TNKS: variants seen among roughly 807,000 people sequenced by gnomAD.
The protein encoded by TNKS is tankyrase.
A neutral mutation model predicts 135.8 loss-of-function variants in TNKS; 72 were observed. That is an observed-to-expected ratio of 0.53 (90% CI 0.44 to 0.64). TNKS has a LOEUF of 0.64. TNKS is among the 30% of genes least tolerant of loss of function. The probability of loss-of-function intolerance (pLI) is 0.00; values close to 1 mark genes in which losing one functional copy is unlikely to be tolerated. For synonymous variants in TNKS, 849 were observed against 649.3 expected, an observed-to-expected ratio of 1.31 and a Z score of -4.68; for missense variants, 1,769 against 1,674.0, an observed-to-expected ratio of 1.06 and a Z score of -0.99.
At chr8:9,563,148 T>C (rs114990922) in intron 1 of TNKS, among the ~76,000 whole-genome samples, 3,179 of 152,228 alleles carry the variant, frequency 0.021, 61 homozygotes, top group African/African-American at 0.055. Flanking sequence ...TCATTCGCCA[T>C]GTTATGCAGC....
intron 2 of TNKS, among the ~76,000 whole-genome samples, chr8:9,589,631 G>A (rs1477192113): frequency 6.6e-6 from 1 of 152,216 alleles, no homozygotes; most frequent in East Asian, 1.9e-4. Flanking sequence ...TCTCAGAGAC[G>A]TTTCCTAGTG....
intron 8 of TNKS, among the ~76,000 whole-genome samples, chr8:9,707,876 C>A (rs1025204049): frequency 2.6e-5 from 4 of 152,254 alleles, no homozygotes; most frequent in African/African-American, 9.6e-5. Flanking sequence ...GTTTTCTATA[C>A]CATTACTTAT....
intron 26 of TNKS, among the ~76,000 whole-genome samples, chr8:9,775,388 T>A (rs1340218981): frequency 1.4e-5 from 2 of 147,830 alleles, no homozygotes; most frequent in Non-Finnish European, 3.0e-5. Flanking sequence ...TGTACTAAAA[T>A]AGAAACTGTT....
chr8:9,756,209 A>T (rs892215767), intron 20 of TNKS, among the ~76,000 whole-genome samples: 1 of 152,178 alleles, frequency 6.6e-6, no homozygotes, highest in Non-Finnish European at 1.5e-5. Flanking sequence ...AGACAAAAGC[A>T]TGGCCTCCCA....
chr8:9,598,221 A>AT (rs1191070864), intron 2 of TNKS, among the ~76,000 whole-genome samples: 9 of 151,782 alleles, frequency 5.9e-5, no homozygotes, highest in Admixed American at 5.2e-4. Flanking sequence ...AATTTTTTAT[A>AT]TTTTTTTAGT....
intron 3 of TNKS, among the ~76,000 whole-genome samples, chr8:9,641,928 T>A (rs1800745742): frequency 6.8e-6 from 1 of 146,324 alleles, no homozygotes; most frequent in African/African-American, 2.5e-5. Flanking sequence ...TTAGTTTTGC[T>A]TTTTAGAAAG....
intron 1 of TNKS, among the ~76,000 whole-genome samples, chr8:9,563,993 C>G (rs938256351): frequency 6.6e-6 from 1 of 152,098 alleles, no homozygotes; most frequent in Non-Finnish European, 1.5e-5. Context: ...GCAGCTCTGG[C>G]CTAGAATAGA....
Position 9,777,032 on chromosome 8 carries a change from T to C in TNKS, c.*296T>C, listed in dbSNP as rs1808257121. 1 of 349,792 alleles carries C rather than the reference T, an allele frequency of 2.9e-6. No homozygotes were observed. The highest frequency in any genetic ancestry group is 2.0e-5 in the African/African-American group (1 of 48,866). The allele number at this position is 349,792 out of a possible 1,614,324, so 21.7% of individuals were successfully genotyped here. A position where few individuals can be genotyped will look rare whatever the true frequency, so the allele number is the denominator to read the frequency against. On this transcript the variant is annotated 3_prime_UTR_variant, in exon 27 of 27. Coordinates refer to ENST00000310430, the MANE Select transcript of TNKS (RefSeq NM_003747.3). ...GATTGCTTCGATCTAGACTTGGAAA[T>C]GGAAAATAAGAAAACCAATGCTTTT... is the stretch of plus-strand genomic sequence containing the variant.
intron 25 of TNKS, among the ~76,000 whole-genome samples, chr8:9,768,380 C>T (rs1414184982): frequency 3.9e-5 from 6 of 152,222 alleles, no homozygotes; most frequent in Non-Finnish European, 7.3e-5. Flanking sequence ...GTATCAACTA[C>T]GGCATCTCAC....
At chr8:9,690,684 A>G (rs1003514913) in intron 5 of TNKS, among the ~76,000 whole-genome samples, 1 of 150,432 alleles carries the variant, frequency 6.6e-6, no homozygotes, top group African/African-American at 2.5e-5. Context: ...GAACCTGGGA[A>G]TAAATGTAAG....
chr8:9,657,141 C>T (rs1351165647), intron 3 of TNKS, among the ~76,000 whole-genome samples: 10 of 136,162 alleles, frequency 7.3e-5, no homozygotes, highest in Non-Finnish European at 1.5e-4. Context: ...TTGGGCACAC[C>T]TCCCAGACGG....
intron 9 of TNKS, among the ~76,000 whole-genome samples, chr8:9,709,664 G>T (rs186295030): frequency 8.1e-4 from 124 of 152,268 alleles, no homozygotes; most frequent in African/African-American, 2.8e-3. Flanking sequence ...TACGTATTAT[G>T]ATGCTCTCCA....
rs143462905 is a variant in TNKS, at chr8:9,609,219, C to T, written c.899-6363C>T. Reference sequence around the variant, plus strand: ...TGTTCTTGAGTTGTCTATTTCTGCTCGTTGCAGGTTTTGCATTTTAGATTA... The same window carrying T: ...TGTTCTTGAGTTGTCTATTTCTGCTTGTTGCAGGTTTTGCATTTTAGATTA... On this transcript the variant is annotated intron_variant, in intron 2 of 26. Coordinates refer to ENST00000310430, the MANE Select transcript of TNKS (RefSeq NM_003747.3). Among the ~76,000 whole-genome samples, 316 of 152,212 alleles carry T rather than the reference C, an allele frequency of 2.1e-3. 5 individuals carry two copies. The highest frequency in any genetic ancestry group is 3.9e-3 in the South Asian group (19 of 4,818).
chr8:9,774,190 G>A (rs748821290), intron 26 of TNKS, among the ~76,000 whole-genome samples: 8 of 152,198 alleles, frequency 5.3e-5, no homozygotes, highest in Admixed American at 2.0e-4. Context: ...TAGACATGAA[G>A]GAGAGGTGTT....
chr8:9,705,345 A>G (rs1803995262), intron 6 of TNKS, among the ~76,000 whole-genome samples: 1 of 152,210 alleles, frequency 6.6e-6, no homozygotes, highest in Non-Finnish European at 1.5e-5. Context: ...TTGCTGTCCT[A>G]TGTGGTGGAC....
intron 15 of TNKS, 135 bp from the exon 16 acceptor site, chr8:9,734,728 CAA>C: frequency 1.4e-6 from 1 of 707,476 alleles, no homozygotes; most frequent in African/African-American, 1.8e-5. Context: ...AGGAATTTTG[CAA>C]AGTGTTTTTC....
intron 3 of TNKS, among the ~76,000 whole-genome samples, chr8:9,650,416 C>A (rs990653497): frequency 6.6e-6 from 1 of 152,148 alleles, no homozygotes; most frequent in Non-Finnish European, 1.5e-5. Context: ...AGTGGTTTTA[C>A]TAGTTTGCAT....
rs764674010 is a variant in TNKS at position 9,679,967 on chromosome 8, C to G, written c.1011C>G (p.Asp337Glu). The G allele has an allele frequency of 1.2e-6, 2 of 1,612,966 alleles. No individual in the cohort carries two copies. Among genetic ancestry groups the G allele is most frequent in the South Asian group, 1.1e-5 (1 of 91,044 alleles). Residue 337 changes from aspartate to glutamate, a missense_variant, in exon 4 of 27, where the codon GAC becomes GAG. This residue lies in a region of TNKS where 523 missense variants were observed against 541.0 expected (regional missense o/e 0.97). Coordinates refer to ENST00000310430, the MANE Select transcript of TNKS (RefSeq NM_003747.3). ...ATCATCTAGGTGAATACAAGAAAGACGAACTCCTAGAAGCTGCTAGGTAAG... is the reference window on the plus strand; with the variant it reads ...ATCATCTAGGTGAATACAAGAAAGAGGAACTCCTAGAAGCTGCTAGGTAAG... ...KAVLTGEYKK[D>E]ELLEAARSGN...
intron 1 of TNKS, 187 bp downstream of exon 1, chr8:9,556,799 G>GA (rs758456149): frequency 3.7e-4 from 146 of 393,348 alleles, no homozygotes; most frequent in Non-Finnish European, 6.5e-4. Context: ...GGTTGGGGGG[G>GA]ATAAGTGAAT....
Sources: gnomAD v4.1 joint callset for allele counts (sites outside exome capture counted in the v4.1 genomes callset) on GRCh38, gnomAD v4.1.1 for gene constraint, gnomAD v4.1.1 regional missense constraint, MANE v1.5 for transcripts, NCBI Gene and HGNC (gene_info 2026-07-23, HGNC 2026-07-21) for gene names.